NBEAL1: variants seen among roughly 807,000 people sequenced by gnomAD.
NBEAL1 encodes the protein neurobeachin like 1.
A neutral mutation model predicts 351.3 loss-of-function variants in NBEAL1; 273 were observed. The observed-to-expected ratio is 0.78, with a 90% confidence interval of 0.70 to 0.86. NBEAL1 has a LOEUF of 0.86. Ranked by LOEUF, NBEAL1 falls within the 40% of genes least tolerant of loss-of-function variation. The probability of loss-of-function intolerance (pLI) is 0.00; values close to 1 mark genes in which losing one functional copy is unlikely to be tolerated. For synonymous variants in NBEAL1, 1,050 were observed against 1,086.4 expected, an observed-to-expected ratio of 0.97 and a Z score of 0.66; for missense variants, 2,961 against 3,201.3, an observed-to-expected ratio of 0.92 and a Z score of 1.81.
chr2:203,165,665 A>G (rs1232121660), intron 36 of NBEAL1, among the ~76,000 whole-genome samples: 4 of 152,182 alleles, frequency 2.6e-5, no homozygotes, highest in Non-Finnish European at 5.9e-5. Context: ...ATATTTGGAT[A>G]CTGTTTAAGT....
At chr2:203,172,608 A>G (rs928207388) in intron 40 of NBEAL1, 121 bp from the exon 41 acceptor site, 1 of 810,710 alleles carries the variant, frequency 1.2e-6, no homozygotes, top group African/African-American at 1.8e-5. Flanking sequence ...TATTTACAAC[A>G]GGGAAAAAAT....
chr2:203,091,907 C>G (rs890527024), intron 10 of NBEAL1, among the ~76,000 whole-genome samples: 6 of 152,204 alleles, frequency 3.9e-5, no homozygotes, highest in Admixed American at 3.9e-4. Flanking sequence ...TAATTTTGTA[C>G]TTTTGTTTCA....
intron 42 of NBEAL1, among the ~76,000 whole-genome samples, chr2:203,180,153 A>G (rs1469677545): frequency 6.6e-6 from 1 of 152,222 alleles, no homozygotes; most frequent in African/African-American, 2.4e-5. Flanking sequence ...AATTCAACTA[A>G]GGTGCTACTG....
At chr2:203,169,338 A>AC (rs1024302313) in intron 38 of NBEAL1, among the ~76,000 whole-genome samples, 4 of 151,010 alleles carry the variant, frequency 2.6e-5, no homozygotes, top group Non-Finnish European at 5.9e-5. Flanking sequence ...GGTGATAAAA[A>AC]ATTTCTGAAG....
chr2:203,114,217 C>G (rs1352552330), intron 17 of NBEAL1, among the ~76,000 whole-genome samples: 3 of 152,124 alleles, frequency 2.0e-5, no homozygotes, highest in Non-Finnish European at 4.4e-5. Context: ...GGCCCTATTC[C>G]AATACAGTCA....
Position 203,224,525 on chromosome 2 carries a change from T to G in NBEAL1, c.*7171T>G, listed in dbSNP as rs1446962671. Among the ~76,000 whole-genome samples, 1 of 152,158 alleles carries G rather than the reference T, an allele frequency of 6.6e-6. No homozygotes were observed. Among genetic ancestry groups the G allele is most frequent in the Non-Finnish European group, 1.5e-5 (1 of 67,976 alleles). On this transcript the variant is annotated 3_prime_UTR_variant, in exon 56 of 56. Coordinates refer to ENST00000683969, the MANE Select transcript of NBEAL1 (RefSeq NM_001378026.1). ...CAGTTTTTCTGGGACTCCAATAGCA[T>G]TTCAGTGTTATAGAGAGTGACAGTG...
intron 44 of NBEAL1, 109 bp downstream of exon 44, chr2:203,183,497 A>G (rs2064794531): frequency 1.6e-6 from 1 of 629,716 alleles, no homozygotes; most frequent in Non-Finnish European, 2.7e-6. Context: ...TTTGTAATCT[A>G]TTATATATGC....
intron 7 of NBEAL1, among the ~76,000 whole-genome samples, chr2:203,077,381 AAAAG>A (rs1377483810): frequency 6.6e-6 from 1 of 152,196 alleles, no homozygotes; most frequent in African/African-American, 2.4e-5. Flanking sequence ...AAGGAAAAAA[AAAAG>A]AGAGAGACAT....
At chr2:203,096,937 T>A (rs187718208) in intron 10 of NBEAL1, among the ~76,000 whole-genome samples, 1 of 152,306 alleles carries the variant, frequency 6.6e-6, no homozygotes, top group East Asian at 1.9e-4. Context: ...TTTGTGTGTA[T>A]TAGTCCATTT....
At chr2:203,157,079 T>A (rs534973762) in intron 35 of NBEAL1, among the ~76,000 whole-genome samples, 2 of 152,318 alleles carry the variant, frequency 1.3e-5, no homozygotes, top group South Asian at 2.1e-4. Flanking sequence ...ATTGGCTTAA[T>A]AACTGGCAAA....
rs1349301667 is a variant in NBEAL1, at chr2:203,221,581, T to A, written c.*4227T>A. Among the ~76,000 whole-genome samples the A allele has an allele frequency of 2.0e-5, 3 of 152,168 alleles. No homozygotes were observed. The highest frequency in any genetic ancestry group is 4.4e-5 in the Non-Finnish European group (3 of 68,020). ...TGTTTGTTTGCATCATCAGCCATAC[T>A]CATGGCTTATCCTACGCATTGTTCC... On this transcript the variant is annotated 3_prime_UTR_variant, in exon 56 of 56. Coordinates refer to ENST00000683969, the MANE Select transcript of NBEAL1 (RefSeq NM_001378026.1).
At chr2:203,137,358 A>G (rs1157763210) in intron 29 of NBEAL1, among the ~76,000 whole-genome samples, 2 of 152,186 alleles carry the variant, frequency 1.3e-5, no homozygotes, top group Non-Finnish European at 2.9e-5. Context: ...GTGGCCCAAG[A>G]CAGTCCTTCT....
At chr2:203,120,366 T>C (rs2062802017) in intron 18 of NBEAL1, among the ~76,000 whole-genome samples, 1 of 152,194 alleles carries the variant, frequency 6.6e-6, no homozygotes, top group African/African-American at 2.4e-5. Flanking sequence ...TATCCTTAAC[T>C]AATATACAAT....
chr2:203,083,976 CTGTGTGTGTGTGTGTGTGTG>C (rs59252809), intron 9 of NBEAL1, among the ~76,000 whole-genome samples: 39 of 134,198 alleles, frequency 2.9e-4, no homozygotes, highest in African/African-American at 9.3e-4. Flanking sequence ...TCCTCAGAGC[CTGTGTGTGTGTGTGTGTGTG>C]TGTGTGTGTG....
intron 53 of NBEAL1, 93 bp downstream of exon 53, chr2:203,209,415 C>T: frequency 1.1e-6 from 1 of 937,766 alleles, no homozygotes; most frequent in Non-Finnish European, 1.6e-6. Context: ...AAGGAAAGAA[C>T]ACCATATTTT....
At position 203,113,074 on chromosome 2, in the gene NBEAL1, C is replaced by T; in HGVS notation, c.2262C>T (p.Ser754=). The change falls in exon 17 of 56, where the codon TCC becomes TCT. Residue 754 remains serine (S), a synonymous_variant. Coordinates refer to ENST00000683969, the MANE Select transcript of NBEAL1 (RefSeq NM_001378026.1). ...AAAGAACCACCACTCCTCCACCATC[C>T]CAAATCCCAGATCCACCTTTCTCTT... ...AGQRTTTPPP[S]QIPDPPFSSP... 1.9e-6 allele frequency: 3 copies of T among 1,547,526 alleles called. No individual in the cohort carries two copies. In the South Asian group the frequency reaches 3.6e-5, roughly 19 times the overall value.
chr2:203,129,165 C>A (rs552224885), intron 24 of NBEAL1, among the ~76,000 whole-genome samples: 17 of 152,114 alleles, frequency 1.1e-4, no homozygotes, highest in African/African-American at 3.9e-4. Flanking sequence ...CATATACAGA[C>A]CAGGAATTAC....
In NBEAL1 at chr2:203,100,548, C is replaced by CTT. The variant is rs201429973; in HGVS notation, c.1269+850_1269+851dup. On this transcript the variant is annotated intron_variant, in intron 12 of 55. Transcript: ENST00000683969. ...GCTTGTTGGCTGCATGTTTTCTTTT[C>CTT]TTTTTTTTTTTTTTTGGAGGTAGGG... 1.8e-3 allele frequency among the ~76,000 whole-genome samples: 245 copies of CTT among 137,202 alleles called. 1 individual carries two copies. The highest frequency in any genetic ancestry group is 4.1e-3 in the South Asian group (18 of 4,340). The allele number at this position is 137,202 out of a possible 152,430, so 90.0% of individuals were successfully genotyped here. A position where few individuals can be genotyped will look rare whatever the true frequency, so the allele number is the denominator to read the frequency against.
chr2:203,153,216 T>C (rs2063708095), intron 35 of NBEAL1, among the ~76,000 whole-genome samples: 1 of 152,160 alleles, frequency 6.6e-6, no homozygotes, highest in Non-Finnish European at 1.5e-5. Context: ...CACTGTAGCC[T>C]TGACCTCCTG....
Sources: gnomAD v4.1 joint callset for allele counts (sites outside exome capture counted in the v4.1 genomes callset) on GRCh38, gnomAD v4.1.1 for gene constraint, MANE v1.5 for transcripts, NCBI Gene and HGNC (gene_info 2026-07-23, HGNC 2026-07-21) for gene names.